Variants in TRHDE observed in about 807,000 individuals in gnomAD.
TRHDE encodes the protein thyrotropin-releasing hormone-degrading ectoenzyme.
Under a neutral mutation model 125.7 loss-of-function variants are expected in TRHDE, and 72 were observed. The ratio of observed to expected loss-of-function variants is 0.57; its 90% CI spans 0.47 to 0.70. TRHDE has a LOEUF of 0.70. Among genes scored for constraint, TRHDE ranks in the 30% least tolerant of loss-of-function variants. TRHDE has a pLI of 0.00. For synonymous variants in TRHDE, 509 were observed against 509.1 expected (o/e 1.00, Z 0.00); for missense variants, 1,110 against 1,327.1 (o/e 0.84, Z 2.54).
chr12:72,418,141 T>C (rs1873807134), intron 3 of TRHDE, among the ~76,000 whole-genome samples: 1 of 152,086 alleles, frequency 6.6e-6, no homozygotes, highest in South Asian at 2.1e-4. Flanking sequence ...GGCATAAAGA[T>C]GTGAATCAAA....
chr12:72,550,672 A>T (rs1276252800), intron 7 of TRHDE, among the ~76,000 whole-genome samples: 1 of 151,818 alleles, frequency 6.6e-6, no homozygotes, highest in Admixed American at 6.6e-5. Context: ...TTGGTGTCTA[A>T]TTTTTGTTAA....
At chr12:72,301,048 T>A (rs1189029160) in intron 2 of TRHDE, among the ~76,000 whole-genome samples, 1 of 152,174 alleles carries the variant, frequency 6.6e-6, no homozygotes, top group East Asian at 1.9e-4. Flanking sequence ...GCATTTTGCT[T>A]CCTTTCTTCC....
chr12:72,097,116 G>A (rs1216283650), intron 1 of TRHDE, among the ~76,000 whole-genome samples: 1 of 152,110 alleles, frequency 6.6e-6, no homozygotes, highest in East Asian at 1.9e-4. Context: ...AGGAAGAGGT[G>A]GTTTTCTCAA....
At chr12:72,505,898 A>G (rs946947242) in intron 6 of TRHDE, among the ~76,000 whole-genome samples, 2 of 152,152 alleles carry the variant, frequency 1.3e-5, no homozygotes, top group South Asian at 2.1e-4. Flanking sequence ...CCCATCCACA[A>G]CATCATGTCA....
chr12:72,282,806 G>C (rs1412519661), intron 1 of TRHDE, among the ~76,000 whole-genome samples: 1 of 152,148 alleles, frequency 6.6e-6, no homozygotes, highest in Non-Finnish European at 1.5e-5. Context: ...ACTTCTTTGA[G>C]TTCTTTAAGC....
At chr12:72,361,539 G>A (rs1375949421) in intron 2 of TRHDE, among the ~76,000 whole-genome samples, 1 of 150,378 alleles carries the variant, frequency 6.6e-6, no homozygotes, top group Non-Finnish European at 1.5e-5. Flanking sequence ...ATATGAGTAG[G>A]TGTTTTATAA....
At chr12:72,096,134 T>TACACACACACACACACACACAC (rs144560604) in intron 1 of TRHDE, among the ~76,000 whole-genome samples, 139 of 145,188 alleles carry the variant, frequency 9.6e-4, no homozygotes, top group African/African-American at 3.0e-3. Flanking sequence ...CTTATGTGTA[T>TACACACACACACACACACACAC]ACACACACAC....
chr12:72,118,815 T>C (rs1875509262), intron 2 of TRHDE, among the ~76,000 whole-genome samples: 5 of 152,144 alleles, frequency 3.3e-5, no homozygotes. Flanking sequence ...TCTTCTAGGT[T>C]TTCTGACTTA....
intron 2 of TRHDE, among the ~76,000 whole-genome samples, chr12:72,142,468 G>T (rs551639812): frequency 6.6e-6 from 1 of 152,194 alleles, no homozygotes; most frequent in South Asian, 2.1e-4. Flanking sequence ...GGTAACTTGG[G>T]GTGACTTGGG....
At chr12:72,596,560 T>A (rs1220056843) in intron 12 of TRHDE, among the ~76,000 whole-genome samples, 1 of 152,166 alleles carries the variant, frequency 6.6e-6, no homozygotes, top group Admixed American at 6.5e-5. Context: ...TAATATTGGG[T>A]GGTTTAAATA....
intron 2 of TRHDE, among the ~76,000 whole-genome samples, chr12:72,179,072 A>G (rs922102196): frequency 1.3e-5 from 2 of 152,116 alleles, no homozygotes; most frequent in Non-Finnish European, 2.9e-5. Flanking sequence ...AAATATGAAC[A>G]GGAGGTGACT....
intron 2 of TRHDE, among the ~76,000 whole-genome samples, chr12:72,324,691 G>A (rs1869257295): frequency 6.6e-6 from 1 of 152,108 alleles, no homozygotes; most frequent in African/African-American, 2.4e-5. Flanking sequence ...GGGGCGGAAT[G>A]TCACTGCATA....
At chr12:72,336,747 G>A (rs1592552973) in intron 2 of TRHDE, among the ~76,000 whole-genome samples, 1 of 152,140 alleles carries the variant, frequency 6.6e-6, no homozygotes, top group Non-Finnish European at 1.5e-5. Context: ...GAGAGCAGGA[G>A]GAGGCCAAAC....
intron 12 of TRHDE, among the ~76,000 whole-genome samples, chr12:72,599,597 G>T (rs1440821460): frequency 1.3e-5 from 2 of 151,804 alleles, no homozygotes; most frequent in African/African-American, 4.8e-5. Flanking sequence ...TTAAGTTTCG[G>T]ATAGATTCTG....
At chr12:72,194,652 A>G (rs1051407626) in intron 2 of TRHDE, among the ~76,000 whole-genome samples, 5 of 152,030 alleles carry the variant, frequency 3.3e-5, no homozygotes, top group African/African-American at 1.2e-4. Flanking sequence ...TTCCTGTGTT[A>G]ATTTACTTAG....
At chr12:72,108,396 A>G (rs1875237918) in intron 2 of TRHDE, among the ~76,000 whole-genome samples, 2 of 152,128 alleles carry the variant, frequency 1.3e-5, no homozygotes, top group Non-Finnish European at 2.9e-5. Flanking sequence ...ATATGTTGAC[A>G]GAATAGTTAT....
At chr12:72,363,338 T>C (rs1871198664) in intron 2 of TRHDE, among the ~76,000 whole-genome samples, 1 of 151,738 alleles carries the variant, frequency 6.6e-6, no homozygotes, top group East Asian at 2.0e-4. Flanking sequence ...TTTAGTCCAA[T>C]ATCCTTGATG....
intron 1 of TRHDE, among the ~76,000 whole-genome samples, chr12:72,092,516 A>G (rs1031741518): frequency 2.6e-5 from 4 of 152,226 alleles, no homozygotes; most frequent in Admixed American, 6.5e-5. Flanking sequence ...TGTTGTCTCC[A>G]TACGCAGACA....
chr12:72,605,864 C>A (rs1489890590), intron 12 of TRHDE, among the ~76,000 whole-genome samples: 1 of 152,030 alleles, frequency 6.6e-6, no homozygotes, highest in African/African-American at 2.4e-5. Context: ...CTTTTTGCAG[C>A]TGTAATTCAA....
Sources: allele counts gnomAD v4.1 joint callset (sites outside exome capture counted in the v4.1 genomes callset), GRCh38; gene constraint gnomAD v4.1.1; transcripts MANE v1.5; gene names NCBI Gene and HGNC (gene_info 2026-07-23, HGNC 2026-07-21).